CSMD1: variants seen among roughly 807,000 people sequenced by gnomAD.
CSMD1 encodes the protein CUB and Sushi multiple domains 1.
In CSMD1, 213 loss-of-function variants were observed where a neutral mutation model predicts 417.5. The observed-to-expected ratio is 0.51, with a 90% CI of 0.46 to 0.57. The LOEUF (loss-of-function observed/expected upper bound fraction) is 0.57. CSMD1 is among the 20% of genes least tolerant of loss of function. The pLI is 0.00. For synonymous variants in CSMD1, 2,862 were observed against 1,736.8 expected, an observed-to-expected ratio of 1.65 and a Z score of -16.11; for missense variants, 6,923 against 4,529.7, an observed-to-expected ratio of 1.53 and a Z score of -15.17.
chr8:3,182,578 CTGTG>C (rs35090952), intron 36 of CSMD1, among the ~76,000 whole-genome samples: 4,187 of 93,070 alleles, frequency 0.045, 91 homozygotes, highest in East Asian at 0.074. Flanking sequence ...TTATAAGAAG[CTGTG>C]TGTGTGTGTG....
chr8:4,822,472 G>A (rs945805339), intron 1 of CSMD1, among the ~76,000 whole-genome samples: 1 of 152,022 alleles, frequency 6.6e-6, no homozygotes, highest in Non-Finnish European at 1.5e-5. Context: ...AGTTTACGTG[G>A]ATTGTAACCC....
chr8:4,061,446 C>T (rs766040718), intron 3 of CSMD1, among the ~76,000 whole-genome samples: 2 of 152,074 alleles, frequency 1.3e-5, no homozygotes, highest in Non-Finnish European at 2.9e-5. Context: ...TTTATAGCTC[C>T]CTGAAAATGG....
intron 1 of CSMD1, among the ~76,000 whole-genome samples, chr8:4,638,882 T>G (rs1199316692): frequency 6.6e-6 from 1 of 152,168 alleles, no homozygotes; most frequent in Non-Finnish European, 1.5e-5. Context: ...TCTGAAGATT[T>G]TGTGTTATTG....
In CSMD1 at chr8:3,787,654, G is replaced by T. The variant is rs372646064; in HGVS notation, c.819-33612C>A. Among the ~76,000 whole-genome samples, 54 of 152,216 alleles carry T rather than the reference G, an allele frequency of 3.5e-4. No individual in the cohort carries two copies. The South Asian group carries it at 4.4e-3, about 12-fold the overall frequency. On this transcript the variant is annotated intron_variant, in intron 5 of 69. Coordinates refer to ENST00000635120, the MANE Select transcript of CSMD1 (RefSeq NM_033225.6). ...TTCCAAGGAGAAATAAGGCAGCTTG[G>T]TAATATAATTTAGTATTGTTTACAA... is the stretch of plus-strand genomic sequence containing the variant.
intron 2 of CSMD1, among the ~76,000 whole-genome samples, chr8:4,421,751 A>C (rs1219892512): frequency 2.0e-5 from 3 of 151,980 alleles, no homozygotes; most frequent in Admixed American, 2.0e-4. Context: ...TCCCTAATCC[A>C]AATTCTTATT....
intron 1 of CSMD1, among the ~76,000 whole-genome samples, chr8:4,865,908 C>G (rs1431520010): frequency 6.6e-6 from 1 of 151,798 alleles, no homozygotes; most frequent in Non-Finnish European, 1.5e-5. Context: ...AGAAAAATCA[C>G]TGAGGAGCTT....
chr8:3,152,096 G>A (rs138563904), intron 39 of CSMD1, among the ~76,000 whole-genome samples: 2 of 152,308 alleles, frequency 1.3e-5, no homozygotes, highest in East Asian at 3.9e-4. Context: ...CACCACACAT[G>A]ACTGTCAGAT....
chr8:4,041,141 C>G (rs539508282), intron 3 of CSMD1, among the ~76,000 whole-genome samples: 1 of 151,380 alleles, frequency 6.6e-6, no homozygotes, highest in Non-Finnish European at 1.5e-5. Flanking sequence ...CTCAGCCTCC[C>G]GAGTAGCTGG....
chr8:3,026,450 C>T (rs899077828), intron 51 of CSMD1, among the ~76,000 whole-genome samples: 2 of 151,652 alleles, frequency 1.3e-5, no homozygotes, highest in African/African-American at 2.4e-5. Flanking sequence ...CTGGGCCTGA[C>T]TGGACCTCAG....
Position 3,589,273 on chromosome 8 carries a change from G to C in CSMD1, c.1098-3013C>G, listed in dbSNP as rs1402260571. On this transcript the variant is annotated intron_variant, in intron 8 of 69. Coordinates refer to ENST00000635120, the MANE Select transcript of CSMD1 (RefSeq NM_033225.6). ...AAGGAAATGAAATCAATACGTTGAA[G>C]AGATATCTGCACTCTCATAGTCACT... Among the ~76,000 whole-genome samples, 2 of 152,090 alleles carry C rather than the reference G, an allele frequency of 1.3e-5. 1 individual carries two copies. The highest frequency in any genetic ancestry group is 4.2e-4 in the South Asian group (2 of 4,776).
chr8:4,009,461 T>C (rs914200229), intron 4 of CSMD1, among the ~76,000 whole-genome samples: 2 of 152,216 alleles, frequency 1.3e-5, no homozygotes, highest in African/African-American at 4.8e-5. Flanking sequence ...AAATAAGCTA[T>C]GATACATTCA....
intron 5 of CSMD1, among the ~76,000 whole-genome samples, chr8:3,773,255 T>C (rs144552578): frequency 0.027 from 4,125 of 152,294 alleles, 82 homozygotes; most frequent in Non-Finnish European, 0.042. Context: ...GTGTTTTAGA[T>C]TCTCCATGCA....
intron 11 of CSMD1, among the ~76,000 whole-genome samples, chr8:3,470,413 C>T (rs1308786472): frequency 6.6e-6 from 1 of 152,124 alleles, no homozygotes; most frequent in Non-Finnish European, 1.5e-5. Context: ...AAAGAGATTA[C>T]ATGTATTATT....
intron 36 of CSMD1, among the ~76,000 whole-genome samples, chr8:3,181,713 C>A (rs1167151046): frequency 6.6e-6 from 1 of 152,114 alleles, no homozygotes. Flanking sequence ...CCCCCTGGAT[C>A]TGTTGATGAT....
chr8:4,518,762 T>C (rs1228768329), intron 2 of CSMD1, among the ~76,000 whole-genome samples: 1 of 151,850 alleles, frequency 6.6e-6, no homozygotes, highest in Non-Finnish European at 1.5e-5. Context: ...ACTTAAATTA[T>C]AATAATAATA....
At chr8:4,092,982 A>C (rs994423198) in intron 3 of CSMD1, among the ~76,000 whole-genome samples, 1 of 152,108 alleles carries the variant, frequency 6.6e-6, no homozygotes, top group Non-Finnish European at 1.5e-5. Flanking sequence ...TATCTTATAC[A>C]TAGTGGGGGT....
At chr8:4,071,708 G>C (rs189967589) in intron 3 of CSMD1, among the ~76,000 whole-genome samples, 7 of 152,208 alleles carry the variant, frequency 4.6e-5, no homozygotes, top group East Asian at 3.9e-4. Flanking sequence ...GGAGATTTTA[G>C]ACTCTGTTAT....
At chr8:3,470,015 G>A (rs1014335687) in intron 11 of CSMD1, among the ~76,000 whole-genome samples, 11 of 152,036 alleles carry the variant, frequency 7.2e-5, no homozygotes, top group African/African-American at 1.2e-4. Flanking sequence ...GCCAAAAAGC[G>A]CACAGATCGT....
intron 7 of CSMD1, among the ~76,000 whole-genome samples, chr8:3,683,586 T>G (rs1281804167): frequency 1.3e-5 from 2 of 152,204 alleles, no homozygotes; most frequent in East Asian, 3.9e-4. Flanking sequence ...TTAAAGCACT[T>G]TTTTGAATAT....
Sources: gnomAD v4.1 joint callset for allele counts (sites outside exome capture counted in the v4.1 genomes callset) on GRCh38, gnomAD v4.1.1 for gene constraint, MANE v1.5 for transcripts, NCBI Gene and HGNC (gene_info 2026-07-23, HGNC 2026-07-21) for gene names.